The following SPINK6 variants were observed in gnomAD, a reference collection of about 807,000 sequenced individuals.
SPINK6 encodes serine peptidase inhibitor Kazal type 6, also known as serine protease inhibitor Kazal-type 6.
SPINK6 carries 13 observed loss-of-function variants against 11.7 expected under a neutral mutation model. That is an observed-to-expected ratio of 1.11 (90% CI 0.72 to 1.76). SPINK6 has a LOEUF of 1.76. SPINK6 is among the 40% of genes most tolerant of loss of function. The probability of loss-of-function intolerance (pLI) is 0.00; values close to 1 mark genes in which losing one functional copy is unlikely to be tolerated. For synonymous variants in SPINK6, 21 were observed against 31.9 expected (o/e 0.66, Z 1.15); for missense variants, 98 against 93.7 (o/e 1.05, Z -0.19).
chr5:148,205,932 T>G (rs534998877), intron 1 of SPINK6, 104 bp from the exon 2 acceptor site: 1 of 1,184,580 alleles, frequency 8.4e-7, no homozygotes, highest in East Asian at 2.4e-5. Context: ...CTTTTTAAGA[T>G]AGCCAAGTAC....
intron 2 of SPINK6, among the ~76,000 whole-genome samples, chr5:148,209,837 A>G (rs1321625559): frequency 6.6e-6 from 1 of 152,006 alleles, no homozygotes; most frequent in African/African-American, 2.4e-5. Flanking sequence ...TATCATGAAA[A>G]ATGGAAAAAA....
intron 1 of SPINK6, among the ~76,000 whole-genome samples, chr5:148,203,979 G>A (rs568728661): frequency 6.6e-6 from 1 of 152,134 alleles, no homozygotes; most frequent in African/African-American, 2.4e-5. Context: ...AATGGCCTGT[G>A]TCACTTAAAG....
chr5:148,211,393 T>G (rs1223524619), intron 2 of SPINK6, among the ~76,000 whole-genome samples: 1 of 152,220 alleles, frequency 6.6e-6, no homozygotes, highest in African/African-American at 2.4e-5. Flanking sequence ...GATGATTTTC[T>G]ATGAGTTACA....
intron 3 of SPINK6, among the ~76,000 whole-genome samples, chr5:148,214,469 G>A (rs774702368): frequency 1.3e-5 from 2 of 152,174 alleles, no homozygotes; most frequent in African/African-American, 4.8e-5. Flanking sequence ...GGTGTAATAT[G>A]AGATTTGAAT....
intron 2 of SPINK6, among the ~76,000 whole-genome samples, chr5:148,210,125 C>A (rs1254420177): frequency 6.7e-6 from 1 of 148,974 alleles, no homozygotes; most frequent in African/African-American, 2.5e-5. Context: ...TGTATGTTTA[C>A]ATTTATTTCT....
At chr5:148,212,490 A>ATATATAAAGTATATATTT (rs1561733549) in intron 2 of SPINK6, among the ~76,000 whole-genome samples, 1 of 130,796 alleles carries the variant, frequency 7.6e-6, no homozygotes, top group Non-Finnish European at 1.5e-5. Flanking sequence ...TTATATATAT[A>ATATATAAAGTATATATTT]TATATATAAA....
chr5:148,212,626 TTATATA>T (rs1561733783), intron 2 of SPINK6, among the ~76,000 whole-genome samples: 3 of 102,544 alleles, frequency 2.9e-5, no homozygotes, highest in African/African-American at 1.3e-4. Flanking sequence ...ATATTATATA[TTATATA>T]TTATATATAA....
At chr5:148,214,271 A>C (rs945571621) in intron 3 of SPINK6, among the ~76,000 whole-genome samples, 1 of 152,174 alleles carries the variant, frequency 6.6e-6, no homozygotes, top group East Asian at 1.9e-4. Flanking sequence ...GTCTTAGACA[A>C]GTTTTCAAAA....
intron 1 of SPINK6, among the ~76,000 whole-genome samples, 166 bp downstream of exon 1, chr5:148,203,320 AATT>A (rs1215628350): frequency 3.9e-5 from 6 of 152,180 alleles, no homozygotes; most frequent in African/African-American, 1.4e-4. Flanking sequence ...TTATGGTAAT[AATT>A]ATTAAAATTA....
chr5:148,204,378 A>C (rs958124357), intron 1 of SPINK6, among the ~76,000 whole-genome samples: 14 of 151,748 alleles, frequency 9.2e-5, no homozygotes, highest in South Asian at 6.2e-4. Context: ...AGATAGTCTC[A>C]GAAATCAATT....
chr5:148,210,199 CATAT>C (rs1477922410), intron 2 of SPINK6, among the ~76,000 whole-genome samples: 7 of 137,888 alleles, frequency 5.1e-5, no homozygotes, highest in African/African-American at 1.5e-4. Flanking sequence ...TTTCTGCATG[CATAT>C]GTATTTCTGC....
intron 2 of SPINK6, among the ~76,000 whole-genome samples, chr5:148,210,669 A>G (rs1755585924): frequency 6.6e-6 from 1 of 152,094 alleles, no homozygotes; most frequent in Non-Finnish European, 1.5e-5. Flanking sequence ...AAAAAAGAAA[A>G]GACAGCAAGA....
chr5:148,204,441 G>C (rs1026438345), intron 1 of SPINK6, among the ~76,000 whole-genome samples: 2 of 150,000 alleles, frequency 1.3e-5, no homozygotes, highest in Admixed American at 1.3e-4. Context: ...AACAGGATCT[G>C]GTTGACTAAT....
At chr5:148,212,581 A>T (rs1405944018) in intron 2 of SPINK6, among the ~76,000 whole-genome samples, 26 of 102,466 alleles carry the variant, frequency 2.5e-4, no homozygotes, top group African/African-American at 1.1e-3. Flanking sequence ...TATATATTAT[A>T]TAAATATATT....
In SPINK6 at chr5:148,214,981, A is replaced by C. The variant is rs201874928; in HGVS notation, c.*31A>C. 6.3e-5 allele frequency: 102 copies of C among 1,608,362 alleles called. No individual in the cohort carries two copies. The highest frequency in any genetic ancestry group is 7.7e-5 in the Non-Finnish European group (90 of 1,175,156). On this transcript the variant is annotated 3_prime_UTR_variant, in exon 4 of 4. Transcript: ENST00000325630. ...AGCCAATGTTTCTTGGTGACTTGCC[A>C]GCTTTTGCAGCCTTCTTTTCTCACT... is the stretch of plus-strand genomic sequence containing the variant.
rs13158727 is a variant in SPINK6, at chr5:148,209,969, T to A, written c.81+3911T>A. Among the ~76,000 whole-genome samples, 4 of 126,608 alleles carry A rather than the reference T, an allele frequency of 3.2e-5. 1 individual carries two copies. The highest frequency in any genetic ancestry group is 1.6e-4 in the Admixed American group (2 of 12,786). 83.1% of individuals were successfully genotyped at this position (126,608 alleles called of 152,430 possible). A position where few individuals can be genotyped will look rare whatever the true frequency, so the allele number is the denominator to read the frequency against. On this transcript the variant is annotated intron_variant, in intron 2 of 3. Coordinates refer to ENST00000325630, the MANE Select transcript of SPINK6 (RefSeq NM_205841.4). ...GGTTTCATATATATGTATACATACATACGTACGTATGTATGTATACATATA... is the reference window on the plus strand; with the variant it reads ...GGTTTCATATATATGTATACATACAAACGTACGTATGTATGTATACATATA...
At chr5:148,203,344 T>C (rs977607902) in intron 1 of SPINK6, among the ~76,000 whole-genome samples, 190 bp downstream of exon 1, 11 of 152,200 alleles carry the variant, frequency 7.2e-5, no homozygotes, top group African/African-American at 2.7e-4. Flanking sequence ...CTGTGATTTG[T>C]TGAGCATATA....
rs562629489 is a variant in SPINK6 at position 148,214,015 on chromosome 5, A to G, written c.187A>G (p.Lys63Glu). Residue 63 changes from lysine (K) to glutamate (E), a missense_variant, in exon 3 of 4, where the codon AAG becomes GAG. Transcript: ENST00000325630. ...QTYGNKCAFC[K>E]AIVKSGGKIS... is the part of the protein sequence containing the mutation. ...ATATGGCAATAAATGTGCCTTCTGTAAGGCCATAGTGTAAGTATTATATTC... is the reference window on the plus strand; with the variant it reads ...ATATGGCAATAAATGTGCCTTCTGTGAGGCCATAGTGTAAGTATTATATTC... The G allele has an allele frequency of 6.4e-5, 102 of 1,600,278 alleles. 2 individuals are homozygous for G. The South Asian group carries it at 1.1e-3, about 17-fold the overall frequency.
chr5:148,211,448 G>T (rs967038423), intron 2 of SPINK6, among the ~76,000 whole-genome samples: 2 of 152,034 alleles, frequency 1.3e-5, no homozygotes, highest in Non-Finnish European at 2.9e-5. Flanking sequence ...CTGTAATAAG[G>T]TTACTTTCTA....
Sources: allele counts gnomAD v4.1 joint callset (sites outside exome capture counted in the v4.1 genomes callset), GRCh38; gene constraint gnomAD v4.1.1; transcripts MANE v1.5; gene names NCBI Gene and HGNC (gene_info 2026-07-23, HGNC 2026-07-21).